Variants in CACNA2D3 observed in about 807,000 individuals in gnomAD.
CACNA2D3 encodes voltage-dependent calcium channel subunit alpha-2/delta-3.
Under a neutral mutation model 160.6 loss-of-function variants are expected in CACNA2D3, and 60 were observed. The ratio of observed to expected loss-of-function variants is 0.37; its 90% CI spans 0.30 to 0.46. The LOEUF is 0.46. Ranked by LOEUF, CACNA2D3 falls within the 20% of genes least tolerant of loss-of-function variation. The probability of loss-of-function intolerance (pLI) is 1.00; values close to 1 mark genes in which losing one functional copy is unlikely to be tolerated. For synonymous variants in CACNA2D3, 558 were observed against 492.9 expected, an observed-to-expected ratio of 1.13 and a Z score of -1.75; for missense variants, 1,205 against 1,365.0, an observed-to-expected ratio of 0.88 and a Z score of 1.85.
chr3:54,504,403 C>T (rs1701337709), intron 5 of CACNA2D3, among the ~76,000 whole-genome samples: 1 of 152,160 alleles, frequency 6.6e-6, no homozygotes, highest in Admixed American at 6.5e-5. Flanking sequence ...CACGTCACCT[C>T]ATCTTTTTAG....
intron 9 of CACNA2D3, among the ~76,000 whole-genome samples, chr3:54,594,804 G>T (rs1450557640): frequency 6.6e-6 from 1 of 152,090 alleles, no homozygotes; most frequent in African/African-American, 2.4e-5. Context: ...TTACACCTGG[G>T]GTCCTGGGCC....
At position 54,143,778 on chromosome 3, in the gene CACNA2D3, C is replaced by T. The variant is rs531308559; in HGVS notation, c.204+20184C>T. ...CCTCCCAAAGTGCTGGAATTACAGGCATGAGCCACCGTGCCTGGCCGATTG... is the reference window on the plus strand; with the variant it reads ...CCTCCCAAAGTGCTGGAATTACAGGTATGAGCCACCGTGCCTGGCCGATTG... On this transcript the variant is annotated intron_variant, in intron 2 of 37. Coordinates refer to ENST00000474759, the MANE Select transcript of CACNA2D3 (RefSeq NM_018398.3). Among the ~76,000 whole-genome samples the T allele has an allele frequency of 8.5e-5, 13 of 152,280 alleles. No individual in the cohort carries two copies. The South Asian group carries it at 2.3e-3, about 27-fold the overall frequency.
intron 2 of CACNA2D3, among the ~76,000 whole-genome samples, chr3:54,198,888 G>A (rs1361829699): frequency 6.6e-6 from 1 of 152,252 alleles, no homozygotes; most frequent in African/African-American, 2.4e-5. Context: ...AGTGATGGCC[G>A]TGGCCGGGAG....
At chr3:54,888,304 C>T (rs756920337) in intron 24 of CACNA2D3, among the ~76,000 whole-genome samples, 4 of 152,158 alleles carry the variant, frequency 2.6e-5, no homozygotes, top group Non-Finnish European at 4.4e-5. Flanking sequence ...TAGGGTGACA[C>T]TTCCGAGAGA....
chr3:54,670,560 C>A (rs955703329), intron 11 of CACNA2D3, among the ~76,000 whole-genome samples: 1 of 152,138 alleles, frequency 6.6e-6, no homozygotes, highest in Non-Finnish European at 1.5e-5. Context: ...AAAAGGTCAT[C>A]CCAGGTAGCA....
At chr3:54,290,833 C>T (rs1016439040) in intron 2 of CACNA2D3, among the ~76,000 whole-genome samples, 1 of 151,942 alleles carries the variant, frequency 6.6e-6, no homozygotes, top group Non-Finnish European at 1.5e-5. Flanking sequence ...ACCGCATGTT[C>T]TCACTCATAG....
At chr3:54,129,132 C>T (rs1699655858) in intron 2 of CACNA2D3, among the ~76,000 whole-genome samples, 1 of 144,210 alleles carries the variant, frequency 6.9e-6, no homozygotes, top group Non-Finnish European at 1.5e-5. Context: ...GACCAACAGA[C>T]TCTGTCTGAA....
At chr3:54,798,263 G>A (rs1475181255) in intron 13 of CACNA2D3, among the ~76,000 whole-genome samples, 1 of 152,084 alleles carries the variant, frequency 6.6e-6, no homozygotes, top group Non-Finnish European at 1.5e-5. Flanking sequence ...GGCTGGGCAT[G>A]GTGGCCCACA....
At chr3:54,882,231 T>G (rs115347316) in intron 21 of CACNA2D3, among the ~76,000 whole-genome samples, 12 of 152,304 alleles carry the variant, frequency 7.9e-5, no homozygotes, top group Non-Finnish European at 1.6e-4. Context: ...GCCAGAAAAT[T>G]CATGTCTAAG....
At chr3:54,441,790 T>G (rs527645126) in intron 4 of CACNA2D3, among the ~76,000 whole-genome samples, 15 of 152,304 alleles carry the variant, frequency 9.8e-5, no homozygotes, top group African/African-American at 3.4e-4. Flanking sequence ...ATTGAAAAGA[T>G]TATCCGTTAC....
chr3:54,723,768 G>C (rs1011008724), intron 11 of CACNA2D3, among the ~76,000 whole-genome samples: 1 of 152,214 alleles, frequency 6.6e-6, no homozygotes. Context: ...TGGAAATGCA[G>C]AAATCACCCA....
At chr3:55,049,796 G>T (rs1038274760) in intron 35 of CACNA2D3, among the ~76,000 whole-genome samples, 1 of 150,182 alleles carries the variant, frequency 6.7e-6, no homozygotes, top group African/African-American at 2.5e-5. Flanking sequence ...CCTGTATTGG[G>T]TGCATATATA....
At chr3:54,679,088 CT>C (rs1700297319) in intron 11 of CACNA2D3, among the ~76,000 whole-genome samples, 1 of 152,200 alleles carries the variant, frequency 6.6e-6, no homozygotes, top group Admixed American at 6.5e-5. Context: ...CAGGCAGCCC[CT>C]CTCTTGCCCT....
intron 4 of CACNA2D3, among the ~76,000 whole-genome samples, chr3:54,456,563 T>C (rs992190481): frequency 6.6e-6 from 1 of 151,974 alleles, no homozygotes; most frequent in Non-Finnish European, 1.5e-5. Flanking sequence ...CCTATAGTTT[T>C]CTTTTTTTGG....
intron 2 of CACNA2D3, among the ~76,000 whole-genome samples, chr3:54,166,809 G>T (rs1269993161): frequency 6.6e-6 from 1 of 152,144 alleles, no homozygotes; most frequent in Non-Finnish European, 1.5e-5. Flanking sequence ...TCTTTGATGT[G>T]GAGAGAGGAA....
chr3:54,155,000 TAACA>T (rs1447634038), intron 2 of CACNA2D3, among the ~76,000 whole-genome samples: 2 of 152,212 alleles, frequency 1.3e-5, no homozygotes, highest in Non-Finnish European at 2.9e-5. Context: ...TATAAATAAA[TAACA>T]AACCATTATC....
At chr3:54,831,011 T>C (rs1467639736) in intron 14 of CACNA2D3, among the ~76,000 whole-genome samples, 2 of 152,024 alleles carry the variant, frequency 1.3e-5, no homozygotes, top group Admixed American at 6.5e-5. Context: ...TATACATTTA[T>C]ATTATTTACT....
chr3:55,057,568 A>C (rs1704395344), intron 35 of CACNA2D3, among the ~76,000 whole-genome samples: 1 of 152,138 alleles, frequency 6.6e-6, no homozygotes, highest in Non-Finnish European at 1.5e-5. Context: ...GTGAAAGCCA[A>C]ATATTTTAGT....
chr3:54,663,094 A>G (rs1700001116), intron 11 of CACNA2D3, among the ~76,000 whole-genome samples: 1 of 152,234 alleles, frequency 6.6e-6, no homozygotes, highest in Non-Finnish European at 1.5e-5. Context: ...AACACCCGCA[A>G]AAAGACCTTG....
Sources: allele counts gnomAD v4.1 joint callset (sites outside exome capture counted in the v4.1 genomes callset), GRCh38; gene constraint gnomAD v4.1.1; transcripts MANE v1.5; gene names NCBI Gene and HGNC (gene_info 2026-07-23, HGNC 2026-07-21).